The following TAS1R1 variants were observed in gnomAD, a reference collection of about 807,000 sequenced individuals.
The protein encoded by TAS1R1 is taste 1 receptor member 1, also known as taste receptor type 1 member 1.
In TAS1R1, 31 loss-of-function variants were observed where a neutral mutation model predicts 45.8. That is an observed-to-expected ratio of 0.68 (90% confidence interval 0.51 to 0.91). The LOEUF is 0.91. Ranked by LOEUF, TAS1R1 falls within the 40% of genes least tolerant of loss-of-function variation. The probability of loss-of-function intolerance (pLI) is 0.00; values close to 1 mark genes in which losing one functional copy is unlikely to be tolerated. For missense variants in TAS1R1, 1,051 were observed against 1,063.9 expected (o/e 0.99, Z 0.17); for synonymous variants, 437 against 448.4 (o/e 0.97, Z 0.32).
intron 1 of TAS1R1, among the ~76,000 whole-genome samples, chr1:6,570,024 G>GGGA (rs1639970987): frequency 6.2e-5 from 2 of 32,382 alleles, no homozygotes; most frequent in African/African-American, 1.2e-4. Flanking sequence ...GGAGGGAGGG[G>GGGA]GAGAGAGAGA....
chr1:6,579,164 C>T lies in TAS1R1; in HGVS notation c.2106C>T (p.Thr702=). 1 of 1,614,152 alleles carries T rather than the reference C, an allele frequency of 6.2e-7. No homozygotes were observed. The highest frequency in any genetic ancestry group is 8.5e-7 in the Non-Finnish European group (1 of 1,180,032). Residue 702 remains threonine, a synonymous_variant, in exon 6 of 6, where the codon ACC becomes ACT. Transcript: ENST00000333172. ...LICLTWLVVW[T]PLPAREYQRF... ...GTCTAACTTGGCTGGTGGTGTGGAC[C>T]CCACTGCCTGCTAGGGAATACCAGC...
intron 5 of TAS1R1, among the ~76,000 whole-genome samples, chr1:6,577,427 C>T (rs1012396330): frequency 3.3e-5 from 5 of 151,552 alleles, no homozygotes; most frequent in Non-Finnish European, 5.9e-5. Context: ...CCCAGCTACT[C>T]GGGAGGCTGA....
chr1:6,557,526 T>C (rs1049767984), intron 1 of TAS1R1, among the ~76,000 whole-genome samples: 12 of 152,018 alleles, frequency 7.9e-5, no homozygotes, highest in East Asian at 3.9e-4. Context: ...TTGGGCCTCA[T>C]TGAAGCTCAA....
chr1:6,578,574 C>T (rs1640255459), intron 5 of TAS1R1, 79 bp from the exon 6 acceptor site: 5 of 1,510,164 alleles, frequency 3.3e-6, no homozygotes, highest in Admixed American at 4.6e-5. Context: ...ACAATTCTCC[C>T]AGTATCTTGC....
chr1:6,574,562 C>G lies in TAS1R1; in HGVS notation c.499-69C>G. On this transcript the variant is annotated intron_variant, in intron 2 of 5. Coordinates refer to ENST00000333172, the MANE Select transcript of TAS1R1 (RefSeq NM_138697.4). This position sits in a 1 kb window ranked among gnomAD's most constrained non-coding sequence, Gnocchi z 4.3. ...TCCCCGGCTCCCTGTATCCCCACACCCAGCACAGGGCCAGGCACTGGGGGG... is the reference window on the plus strand; with the variant it reads ...TCCCCGGCTCCCTGTATCCCCACACGCAGCACAGGGCCAGGCACTGGGGGG... 6.5e-7 allele frequency: 1 copy of G among 1,530,302 alleles called. No homozygotes were observed. Among genetic ancestry groups the G allele is most frequent in the Non-Finnish European group, 8.8e-7 (1 of 1,138,166 alleles). 94.8% of individuals were successfully genotyped at this position (1,530,302 alleles called of 1,614,324 possible). A position where few individuals can be genotyped will look rare whatever the true frequency, so the allele number is the denominator to read the frequency against.
In TAS1R1 at chr1:6,574,492, C is replaced by T; in HGVS notation, c.499-139C>T. 9.0e-7 allele frequency: 1 copy of T among 1,113,488 alleles called. No homozygotes were observed. The highest frequency in any genetic ancestry group is 1.2e-6 in the Non-Finnish European group (1 of 805,090). 69.0% of individuals were successfully genotyped at this position (1,113,488 alleles called of 1,614,324 possible). Reference sequence around the variant, plus strand: ...AGAACCTGCCCCAGTGGAGCCTTCGCAGGTGATTTGTCAGTTTCACAGGCT... The same window carrying T: ...AGAACCTGCCCCAGTGGAGCCTTCGTAGGTGATTTGTCAGTTTCACAGGCT... On this transcript the variant is annotated intron_variant, in intron 2 of 5. Coordinates refer to ENST00000333172, the MANE Select transcript of TAS1R1 (RefSeq NM_138697.4). This position sits in a 1 kb window ranked among gnomAD's most constrained non-coding sequence, Gnocchi z 4.3.
chr1:6,563,521 C>T (rs940378646), intron 1 of TAS1R1, among the ~76,000 whole-genome samples: 2 of 152,062 alleles, frequency 1.3e-5, no homozygotes, highest in Non-Finnish European at 2.9e-5. Context: ...GGGCTTTTTC[C>T]TTCATAACGG....
At chr1:6,558,605 G>A (rs372638324) in intron 1 of TAS1R1, among the ~76,000 whole-genome samples, 2 of 151,954 alleles carry the variant, frequency 1.3e-5, no homozygotes, top group African/African-American at 4.8e-5. Flanking sequence ...CTGTAATCCT[G>A]GCTACTTGGG....
Position 6,572,192 on chromosome 1 carries a change from C to T in TAS1R1, c.498+977C>T, listed in dbSNP as rs566041517. ...ATTCTGTCCCCACCACTCTTGCTTT[C>T]GCTGTGAGCTGGGGCACCTTCTAGG... On this transcript the variant is annotated intron_variant, in intron 2 of 5. Transcript: ENST00000333172. Among the ~76,000 whole-genome samples the T allele has an allele frequency of 3.6e-4, 55 of 152,012 alleles. 1 individual carries two copies. The Middle Eastern group carries it at 0.027, about 76-fold the overall frequency.
intron 1 of TAS1R1, among the ~76,000 whole-genome samples, chr1:6,570,562 G>A (rs12082471): frequency 1.3e-5 from 2 of 151,932 alleles, no homozygotes; most frequent in African/African-American, 2.4e-5. Context: ...AGAATGTCCA[G>A]CCTGCTGGCC....
chr1:6,575,402 C>G lies in TAS1R1; in HGVS notation c.1260+10C>G. On this transcript the variant is annotated intron_variant, in intron 3 of 5. Transcript: ENST00000333172. ...AGTCTACCCCTGGCAGGTAAGAGAGCCCACCCCAGCACCTCCTGTCAGGGA... is the reference window on the plus strand; with the variant it reads ...AGTCTACCCCTGGCAGGTAAGAGAGGCCACCCCAGCACCTCCTGTCAGGGA... 1 of 1,543,492 alleles carries G rather than the reference C, an allele frequency of 6.5e-7. No individual in the cohort carries two copies. The highest frequency in any genetic ancestry group is 8.7e-7 in the Non-Finnish European group (1 of 1,148,026).
chr1:6,555,794 A>G (rs542335402), intron 1 of TAS1R1, among the ~76,000 whole-genome samples: 1 of 150,872 alleles, frequency 6.6e-6, no homozygotes, highest in East Asian at 2.0e-4. Context: ...TTGTAACTTC[A>G]TTGAAATTGG....
chr1:6,557,237 G>A (rs947611616), intron 1 of TAS1R1, among the ~76,000 whole-genome samples: 4 of 152,052 alleles, frequency 2.6e-5, no homozygotes, highest in Non-Finnish European at 5.9e-5. Flanking sequence ...GGGCTGGGAA[G>A]AGAGATTGGG....
chr1:6,574,842 T>G lies in TAS1R1; in HGVS notation c.710T>G (p.Ile237Ser). Residue 237 changes from isoleucine to serine, a missense_variant, in exon 3 of 6, where the codon ATC (isoleucine) becomes AGC (serine). By Grantham distance (142) the Ile-to-Ser change is moderately radical. Coordinates refer to ENST00000333172, the MANE Select transcript of TAS1R1 (RefSeq NM_138697.4). The surrounding 1 kb of genome is among the most constrained non-coding windows in gnomAD (Gnocchi z 4.3). ...GAGAACCAGGCCACTGGTCAGGGGA[T>G]CTGCATTGCTTTCAAGGACATCATG... ...ALENQATGQG[I>S]CIAFKDIMPF... is the part of the protein sequence containing the mutation. 6.2e-7 allele frequency: 1 copy of G among 1,614,256 alleles called. No individual in the cohort carries two copies. Among genetic ancestry groups the G allele is most frequent in the South Asian group, 1.1e-5 (1 of 91,088 alleles).
chr1:6,559,170 G>A (rs1293323864), intron 1 of TAS1R1, among the ~76,000 whole-genome samples: 1 of 152,026 alleles, frequency 6.6e-6, no homozygotes, highest in African/African-American at 2.4e-5. Context: ...TGGGATTACA[G>A]GCGTGAGCCG....
intron 1 of TAS1R1, among the ~76,000 whole-genome samples, chr1:6,566,402 TAGG>T (rs1208640074): frequency 1.2e-4 from 18 of 152,050 alleles, no homozygotes; most frequent in Non-Finnish European, 1.9e-4. Flanking sequence ...ACAGGGTGAA[TAGG>T]AGGACTGCCT....
At position 6,575,824 on chromosome 1, in the gene TAS1R1, G is replaced by C. The variant is rs372191439; in HGVS notation, c.1260+432G>C. Among the ~76,000 whole-genome samples, 1,046 of 151,802 alleles carry C rather than the reference G, an allele frequency of 6.9e-3. 14 individuals carry two copies. The highest frequency in any genetic ancestry group is 0.037 in the East Asian group (188 of 5,138). On this transcript the variant is annotated intron_variant, in intron 3 of 5. Transcript: ENST00000333172. ...TCCCCTGCCTCAGCCTCCCAAGTAGGTGGGACTACGGGCGCCCGCCACCAC... is the reference window on the plus strand; with the variant it reads ...TCCCCTGCCTCAGCCTCCCAAGTAGCTGGGACTACGGGCGCCCGCCACCAC...
chr1:6,576,020 G>A (rs1199827600), intron 3 of TAS1R1, among the ~76,000 whole-genome samples: 1 of 151,690 alleles, frequency 6.6e-6, no homozygotes, highest in Non-Finnish European at 1.5e-5. Flanking sequence ...AGTAGAGATG[G>A]GGTTTCACCA....
At chr1:6,559,857 G>T (rs1639751254) in intron 1 of TAS1R1, among the ~76,000 whole-genome samples, 1 of 151,732 alleles carries the variant, frequency 6.6e-6, no homozygotes, top group African/African-American at 2.4e-5. Context: ...GGACGTGTGG[G>T]TGCACCCCTG....
Sources: gnomAD v4.1 joint callset for allele counts (sites outside exome capture counted in the v4.1 genomes callset) on GRCh38, gnomAD v4.1.1 for gene constraint, Gnocchi (gnomAD v3.1) non-coding constraint, MANE v1.5 for transcripts, NCBI Gene and HGNC (gene_info 2026-07-23, HGNC 2026-07-21) for gene names.